The following PDLIM5 variants were observed in gnomAD, a reference collection of about 807,000 sequenced individuals.
PDLIM5 encodes PDZ and LIM domain protein 5.
A neutral mutation model predicts 64.2 loss-of-function variants in PDLIM5; 34 were observed. That is an observed-to-expected ratio of 0.53 (90% CI 0.40 to 0.71). The LOEUF (loss-of-function observed/expected upper bound fraction) is 0.71. Among genes scored for constraint, PDLIM5 ranks in the 30% least tolerant of loss-of-function variants. The pLI, the probability that PDLIM5 is intolerant of heterozygous loss-of-function variation, is 0.00. For synonymous variants in PDLIM5, 253 were observed against 269.1 expected (o/e 0.94, Z 0.59); for missense variants, 683 against 733.6 (o/e 0.93, Z 0.80).
chr4:94,500,884 A>C (rs1435773412), intron 2 of PDLIM5, among the ~76,000 whole-genome samples: 1 of 152,006 alleles, frequency 6.6e-6, no homozygotes, highest in East Asian at 1.9e-4. Flanking sequence ...CCCAGGCTCA[A>C]ATGGTCCTCC....
chr4:94,515,369 T>A (rs1313170613), intron 2 of PDLIM5, among the ~76,000 whole-genome samples: 1 of 152,246 alleles, frequency 6.6e-6, no homozygotes, highest in South Asian at 2.1e-4. Flanking sequence ...CCTGTTTTTA[T>A]AAGCTATACT....
intron 2 of PDLIM5, among the ~76,000 whole-genome samples, chr4:94,487,126 A>G (rs1726414760): frequency 6.6e-6 from 1 of 152,216 alleles, no homozygotes; most frequent in South Asian, 2.1e-4. Context: ...TCTTTTATTT[A>G]TACTTCTCTT....
chr4:94,657,257 T>C (rs1742282842), intron 10 of PDLIM5, among the ~76,000 whole-genome samples, 170 bp from the exon 11 acceptor site: 1 of 152,252 alleles, frequency 6.6e-6, no homozygotes, highest in African/African-American at 2.4e-5. Context: ...TTTGTGAGTC[T>C]GTTCTTAAGT....
chr4:94,662,727 G>A (rs1440842743), intron 12 of PDLIM5, among the ~76,000 whole-genome samples, 190 bp downstream of exon 12: 1 of 151,812 alleles, frequency 6.6e-6, no homozygotes, highest in Non-Finnish European at 1.5e-5. Flanking sequence ...TTGGCACACA[G>A]TGAGATCCTT....
intron 5 of PDLIM5, among the ~76,000 whole-genome samples, chr4:94,581,218 A>G (rs890140239): frequency 3.3e-5 from 5 of 152,200 alleles, no homozygotes; most frequent in African/African-American, 9.6e-5. Flanking sequence ...ATGATGGACT[A>G]TTCCATTTGG....
At chr4:94,564,253 T>C (rs1159759446) in intron 3 of PDLIM5, among the ~76,000 whole-genome samples, 1 of 152,092 alleles carries the variant, frequency 6.6e-6, no homozygotes, top group Admixed American at 6.5e-5. Flanking sequence ...TGAGCCATCG[T>C]GCCCGGCCTT....
intron 3 of PDLIM5, among the ~76,000 whole-genome samples, chr4:94,545,862 T>C (rs1281857109): frequency 6.6e-6 from 1 of 152,174 alleles, no homozygotes; most frequent in Non-Finnish European, 1.5e-5. Context: ...TTTTTCCCAA[T>C]ATTGTTTTTT....
intron 3 of PDLIM5, among the ~76,000 whole-genome samples, chr4:94,534,218 T>C (rs1453294090): frequency 6.6e-6 from 1 of 152,164 alleles, no homozygotes; most frequent in African/African-American, 2.4e-5. Flanking sequence ...AATGTGAGTT[T>C]TTTCTCTCAT....
At chr4:94,559,125 A>G (rs542127160) in intron 3 of PDLIM5, among the ~76,000 whole-genome samples, 22 of 152,338 alleles carry the variant, frequency 1.4e-4, no homozygotes, top group African/African-American at 5.1e-4. Flanking sequence ...AAAAAATAAA[A>G]AAGATATTAT....
chr4:94,658,190 A>C (rs1437864118), intron 11 of PDLIM5, among the ~76,000 whole-genome samples: 1 of 152,240 alleles, frequency 6.6e-6, no homozygotes, highest in Admixed American at 6.5e-5. Context: ...TAAACATCAG[A>C]AATGTTCCAC....
At position 94,618,113 on chromosome 4, in the gene PDLIM5, A is replaced by G; in HGVS notation, c.1030A>G (p.Thr344Ala). 1 of 1,612,566 alleles carries G rather than the reference A, an allele frequency of 6.2e-7. No homozygotes were observed. The highest frequency in any genetic ancestry group is 8.5e-7 in the Non-Finnish European group (1 of 1,179,264). Residue 344 changes from threonine to alanine, a missense_variant, in exon 8 of 13, where the codon ACA becomes GCA. Coordinates refer to ENST00000317968, the MANE Select transcript of PDLIM5 (RefSeq NM_006457.5). ...TSGRPGVTSL[T>A]AAAAFKPVGS... ...TGGCAGACCAGGGGTTACCAGCCTC[A>G]CAGCTGCAGCTGCCTTCAAGCCTGT... is the stretch of plus-strand genomic sequence containing the variant.
In PDLIM5 at chr4:94,586,407, G is replaced by A; in HGVS notation, c.884-1G>A. 1.3e-6 allele frequency: 2 copies of A among 1,488,260 alleles called. No homozygotes were observed. The highest frequency in any genetic ancestry group is 1.9e-6 in the Non-Finnish European group (2 of 1,071,246). The allele number at this position is 1,488,260 out of a possible 1,614,324, so 92.2% of individuals were successfully genotyped here. A position where few individuals can be genotyped will look rare whatever the true frequency, so the allele number is the denominator to read the frequency against. ...ATTGGATATTGCTTATTATATTTCA[G>A]TGAAAGAATCTGAAGCCGATAATAC... On this transcript the variant is annotated splice_acceptor_variant, in intron 6 of 12. Transcript: ENST00000317968. LOFTEE classifies it high-confidence loss of function.
At chr4:94,459,860 G>A (rs1723718533) in intron 2 of PDLIM5, among the ~76,000 whole-genome samples, 1 of 152,172 alleles carries the variant, frequency 6.6e-6, no homozygotes, top group Non-Finnish European at 1.5e-5. Context: ...TAGTGAAGAT[G>A]AAGACTTTTC....
At chr4:94,595,558 A>C (rs567025749) in intron 7 of PDLIM5, among the ~76,000 whole-genome samples, 2 of 152,348 alleles carry the variant, frequency 1.3e-5, no homozygotes, top group South Asian at 4.1e-4. Flanking sequence ...ACCTTTGTAC[A>C]TTCATTGAAA....
At chr4:94,498,289 T>C (rs1028617483) in intron 2 of PDLIM5, among the ~76,000 whole-genome samples, 2 of 152,206 alleles carry the variant, frequency 1.3e-5, no homozygotes, top group African/African-American at 2.4e-5. Flanking sequence ...AAAATAAATT[T>C]ATTTAATAGA....
At position 94,573,502 on chromosome 4, in the gene PDLIM5, CAG is replaced by C. The variant is rs1326840206; in HGVS notation, c.291+110_291+111del. ...CTGACATTCATTTAATTTATAGTCTCAGTACAATTTTCCTTGTAGTTCTTTTC... is the reference window on the plus strand; with the variant it reads ...CTGACATTCATTTAATTTATAGTCTCTACAATTTTCCTTGTAGTTCTTTTC... On this transcript the variant is annotated intron_variant, in intron 4 of 12. Transcript: ENST00000317968. 14 of 924,426 alleles carry C rather than the reference CAG, an allele frequency of 1.5e-5. No individual in the cohort carries two copies. In the Admixed American group the frequency reaches 2.4e-4, roughly 16 times the overall value. 57.3% of individuals were successfully genotyped at this position (924,426 alleles called of 1,614,324 possible). A position where few individuals can be genotyped will look rare whatever the true frequency, so the allele number is the denominator to read the frequency against.
chr4:94,524,585 A>G (rs775082282), intron 3 of PDLIM5, among the ~76,000 whole-genome samples: 2 of 151,264 alleles, frequency 1.3e-5, no homozygotes, highest in African/African-American at 2.4e-5. Flanking sequence ...TAATAGAGTC[A>G]TTTGAAGGCT....
intron 1 of PDLIM5, among the ~76,000 whole-genome samples, chr4:94,453,504 G>A (rs1723049661): frequency 6.6e-6 from 1 of 152,182 alleles, no homozygotes; most frequent in African/African-American, 2.4e-5. Context: ...TACATGGGTT[G>A]ATAATCTAAA....
At chr4:94,547,325 C>G (rs1732412670) in intron 3 of PDLIM5, among the ~76,000 whole-genome samples, 2 of 152,202 alleles carry the variant, frequency 1.3e-5, no homozygotes, top group South Asian at 4.1e-4. Flanking sequence ...AATCATTTCT[C>G]TTGCGATTTC....
Sources: gnomAD v4.1 joint callset for allele counts (sites outside exome capture counted in the v4.1 genomes callset) on GRCh38, gnomAD v4.1.1 for gene constraint, MANE v1.5 for transcripts, NCBI Gene and HGNC (gene_info 2026-07-23, HGNC 2026-07-21) for gene names.